Variants in RALYL observed in about 807,000 individuals in gnomAD.
The protein encoded by RALYL is RNA-binding Raly-like protein.
Under a neutral mutation model 35.1 loss-of-function variants are expected in RALYL, and 29 were observed. The observed-to-expected ratio is 0.83, with a 90% CI of 0.61 to 1.13. The LOEUF (loss-of-function observed/expected upper bound fraction) is 1.13, where lower values mean the gene tolerates loss of function less well. Among genes scored for constraint, RALYL ranks in the 50% most tolerant of loss-of-function variants. The pLI is 0.00. For missense variants in RALYL, 359 were observed against 360.4 expected (o/e 1.00, Z 0.03); for synonymous variants, 120 against 127.6 (o/e 0.94, Z 0.40).
intron 1 of RALYL, among the ~76,000 whole-genome samples, chr8:84,310,996 G>C (rs532186198): frequency 8.2e-6 from 1 of 122,480 alleles, no homozygotes; most frequent in South Asian, 2.8e-4. Context: ...GCAGTGAGCC[G>C]AGATTGCGCC....
At chr8:84,540,871 TTG>T (rs2059974947) in intron 2 of RALYL, among the ~76,000 whole-genome samples, 1 of 152,022 alleles carries the variant, frequency 6.6e-6, no homozygotes, top group South Asian at 2.1e-4. Flanking sequence ...AAATATTTTC[TTG>T]TGTCAGTTAT....
At chr8:84,723,866 T>C (rs538220469) in intron 2 of RALYL, among the ~76,000 whole-genome samples, 1 of 151,882 alleles carries the variant, frequency 6.6e-6, no homozygotes, top group Admixed American at 6.6e-5. Flanking sequence ...CTCATTACCC[T>C]TTATTCTATT....
chr8:84,292,257 G>A (rs1838904227), intron 1 of RALYL, among the ~76,000 whole-genome samples: 1 of 152,100 alleles, frequency 6.6e-6, no homozygotes, highest in Non-Finnish European at 1.5e-5. Flanking sequence ...ATTCTTAGCA[G>A]TTTGCAATCT....
chr8:84,880,002 G>A (rs1290857732), intron 7 of RALYL, among the ~76,000 whole-genome samples: 2 of 152,092 alleles, frequency 1.3e-5, no homozygotes, highest in Non-Finnish European at 2.9e-5. Flanking sequence ...GCTAAAGGCA[G>A]GCAGATTCTT....
intron 1 of RALYL, among the ~76,000 whole-genome samples, chr8:84,489,186 C>T (rs1292831588): frequency 6.6e-6 from 1 of 152,010 alleles, no homozygotes; most frequent in Non-Finnish European, 1.5e-5. Context: ...AATCTTAAAA[C>T]TGCTAGCTAC....
intron 3 of RALYL, among the ~76,000 whole-genome samples, chr8:84,799,727 C>T (rs1207875315): frequency 1.3e-5 from 2 of 152,196 alleles, no homozygotes; most frequent in African/African-American, 4.8e-5. Context: ...GAGGCCGAGG[C>T]AGGCGGATCA....
At chr8:84,756,783 T>A (rs1811525449) in intron 2 of RALYL, among the ~76,000 whole-genome samples, 1 of 152,068 alleles carries the variant, frequency 6.6e-6, no homozygotes, top group Admixed American at 6.6e-5. Context: ...AAAGGTGTTT[T>A]TTTTTTTATT....
At chr8:84,462,090 C>T (rs548975366) in intron 1 of RALYL, among the ~76,000 whole-genome samples, 5 of 151,516 alleles carry the variant, frequency 3.3e-5, no homozygotes, top group African/African-American at 7.3e-5. Flanking sequence ...GTCATACTTC[C>T]GTGCCACCTT....
intron 4 of RALYL, among the ~76,000 whole-genome samples, chr8:84,812,218 C>T (rs932827154): frequency 3.2e-4 from 49 of 152,216 alleles, no homozygotes; most frequent in African/African-American, 1.2e-3. Flanking sequence ...CTCCACATTT[C>T]CCTGTTGATG....
chr8:84,755,369 AG>A (rs1461026556), intron 2 of RALYL, among the ~76,000 whole-genome samples: 2 of 152,202 alleles, frequency 1.3e-5, no homozygotes, highest in Non-Finnish European at 2.9e-5. Flanking sequence ...TGTCAACAGA[AG>A]CACCTTCTCA....
chr8:84,541,760 G>T (rs1452880788), intron 2 of RALYL, among the ~76,000 whole-genome samples: 1 of 151,820 alleles, frequency 6.6e-6, no homozygotes. Context: ...ACTTGGAATT[G>T]GTGTATCTTC....
At chr8:84,574,380 T>A (rs190136064) in intron 2 of RALYL, among the ~76,000 whole-genome samples, 34 of 152,150 alleles carry the variant, frequency 2.2e-4, no homozygotes, top group Non-Finnish European at 4.4e-4. Context: ...ATTCATGGCT[T>A]AATATTCAGT....
chr8:84,427,843 T>C (rs1304426157), intron 1 of RALYL, among the ~76,000 whole-genome samples: 4 of 152,216 alleles, frequency 2.6e-5, no homozygotes, highest in African/African-American at 9.6e-5. Flanking sequence ...TCTCCCCTCC[T>C]CACCTGTGTT....
rs1587890734 is a variant in RALYL at position 84,513,156 on chromosome 8, T to C, written c.-23-16143T>C. Among the ~76,000 whole-genome samples the C allele has an allele frequency of 2.0e-5, 3 of 152,300 alleles. 1 individual carries two copies. The South Asian group carries it at 6.2e-4, about 32-fold the overall frequency. Reference sequence around the variant, plus strand: ...AACTTTTCATTCAATGAGCATGAAATGTCGTCCATTTTTTTGTGTGTGTTC... The same window carrying C: ...AACTTTTCATTCAATGAGCATGAAACGTCGTCCATTTTTTTGTGTGTGTTC... On this transcript the variant is annotated intron_variant, in intron 1 of 8. Transcript: ENST00000521268.
intron 1 of RALYL, among the ~76,000 whole-genome samples, chr8:84,254,395 A>T (rs1830814163): frequency 6.6e-6 from 1 of 152,110 alleles, no homozygotes. Flanking sequence ...GTACAAATGG[A>T]AGGAAAGTAA....
chr8:84,270,132 A>T (rs1185007156), intron 1 of RALYL, among the ~76,000 whole-genome samples: 2 of 152,180 alleles, frequency 1.3e-5, no homozygotes, highest in African/African-American at 2.4e-5. Flanking sequence ...GGATTAAGTC[A>T]TTACAGCCCA....
intron 1 of RALYL, among the ~76,000 whole-genome samples, chr8:84,376,430 A>G (rs1268402604): frequency 6.6e-6 from 1 of 151,874 alleles, no homozygotes; most frequent in Non-Finnish European, 1.5e-5. Flanking sequence ...GGTTATATGT[A>G]TGAGCCCAGA....
At chr8:84,215,904 G>A (rs10112056) in intron 1 of RALYL, among the ~76,000 whole-genome samples, 44,754 of 151,784 alleles carry the variant, frequency 0.29, 7,199 homozygotes, top group African/African-American at 0.43. Flanking sequence ...AATAAAATGT[G>A]TGTCTCCCTT....
intron 1 of RALYL, among the ~76,000 whole-genome samples, chr8:84,222,969 A>C (rs1375980193): frequency 1.3e-5 from 2 of 152,134 alleles, no homozygotes; most frequent in East Asian, 3.9e-4. Context: ...TATCTTGGAT[A>C]ATTTCTCCAT....
Sources: gnomAD v4.1 joint callset for allele counts (sites outside exome capture counted in the v4.1 genomes callset) on GRCh38, gnomAD v4.1.1 for gene constraint, MANE v1.5 for transcripts, NCBI Gene and HGNC (gene_info 2026-07-23, HGNC 2026-07-21) for gene names.